DNAJC1: variants seen among roughly 807,000 people sequenced by gnomAD.
DNAJC1 encodes dnaJ homolog subfamily C member 1.
DNAJC1 carries 58 observed loss-of-function variants against 76.6 expected under a neutral mutation model. The ratio of observed to expected loss-of-function variants is 0.76; its 90% CI spans 0.61 to 0.94. The LOEUF is 0.94. Ranked by LOEUF, DNAJC1 falls within the 40% of genes least tolerant of loss-of-function variation. The pLI is 0.00. For synonymous variants in DNAJC1, 258 were observed against 267.9 expected (o/e 0.96, Z 0.36); for missense variants, 689 against 677.3 (o/e 1.02, Z -0.19).
chr10:21,964,596 A>G (rs983653249), intron 1 of DNAJC1, among the ~76,000 whole-genome samples: 10 of 151,982 alleles, frequency 6.6e-5, no homozygotes, highest in Middle Eastern at 3.4e-3. Flanking sequence ...TTATCTATAT[A>G]TTATTATATT....
chr10:21,761,931 T>G (rs1834245996), intron 10 of DNAJC1, among the ~76,000 whole-genome samples: 1 of 152,210 alleles, frequency 6.6e-6, no homozygotes, highest in Non-Finnish European at 1.5e-5. Flanking sequence ...TTTTTTGAGA[T>G]GGAGTCTCAC....
chr10:21,843,886 A>G (rs2131681652), intron 8 of DNAJC1, among the ~76,000 whole-genome samples: 1 of 152,254 alleles, frequency 6.6e-6, no homozygotes, highest in African/African-American at 2.4e-5. Flanking sequence ...GTCCTCACAC[A>G]AATCTCACCT....
intron 7 of DNAJC1, among the ~76,000 whole-genome samples, chr10:21,889,206 C>CGA (rs140775385): frequency 6.6e-6 from 1 of 151,850 alleles, no homozygotes. Context: ...GGGGCAGAAA[C>CGA]GAGAGAGAGA....
intron 6 of DNAJC1, among the ~76,000 whole-genome samples, chr10:21,913,670 A>C (rs1210642643): frequency 6.6e-6 from 1 of 152,200 alleles, no homozygotes. Context: ...CTGGGGTTAC[A>C]AGCCGAACAC....
At chr10:21,921,622 G>C (rs1283376408) in intron 3 of DNAJC1, among the ~76,000 whole-genome samples, 2 of 151,908 alleles carry the variant, frequency 1.3e-5, no homozygotes, top group East Asian at 1.9e-4. Context: ...CAATAAAACT[G>C]TTTATTTGTA....
chr10:21,768,750 T>G (rs191373447), intron 9 of DNAJC1, among the ~76,000 whole-genome samples: 1 of 152,240 alleles, frequency 6.6e-6, no homozygotes, highest in Non-Finnish European at 1.5e-5. Context: ...CCTTGACTTC[T>G]GAATTTCCCA....
At chr10:21,773,966 C>T (rs1834422750) in intron 9 of DNAJC1, among the ~76,000 whole-genome samples, 1 of 150,742 alleles carries the variant, frequency 6.6e-6, no homozygotes. Context: ...ACGGTGAAAC[C>T]CCGTCTCTAC....
chr10:21,829,516 A>T (rs792460), intron 8 of DNAJC1, among the ~76,000 whole-genome samples: 87,790 of 151,740 alleles, frequency 0.58, 27,649 homozygotes, highest in East Asian at 0.95. Context: ...GCGCCCAGCA[A>T]TTTTTTTGTA....
At chr10:21,813,552 C>A (rs544393197) in intron 8 of DNAJC1, among the ~76,000 whole-genome samples, 1 of 151,990 alleles carries the variant, frequency 6.6e-6, no homozygotes, top group Admixed American at 6.6e-5. Context: ...CCCACCATCA[C>A]GCCCAGCTAA....
At chr10:21,942,277 G>A (rs771640303) in intron 1 of DNAJC1, among the ~76,000 whole-genome samples, 2 of 152,098 alleles carry the variant, frequency 1.3e-5, no homozygotes, top group Non-Finnish European at 2.9e-5. Context: ...CTAATCCACT[G>A]AAAAGTTAAA....
chr10:21,959,887 A>C (rs1375461431), intron 1 of DNAJC1, among the ~76,000 whole-genome samples: 2 of 151,752 alleles, frequency 1.3e-5, no homozygotes, highest in African/African-American at 2.4e-5. Context: ...TCCATCTCCC[A>C]AAAATTTTGG....
chr10:21,791,079 A>G (rs998925520), intron 9 of DNAJC1, among the ~76,000 whole-genome samples: 1 of 152,220 alleles, frequency 6.6e-6, no homozygotes, highest in African/African-American at 2.4e-5. Context: ...AGACATAGCT[A>G]TATTTATATC....
intron 1 of DNAJC1, among the ~76,000 whole-genome samples, chr10:21,939,134 C>A (rs1456047102): frequency 6.6e-6 from 1 of 152,132 alleles, no homozygotes; most frequent in Non-Finnish European, 1.5e-5. Flanking sequence ...CGTGATTCAC[C>A]TACCTCAGCC....
chr10:21,766,270 A>G lies in DNAJC1; in HGVS notation c.1138T>C (p.Cys380Arg), dbSNP rs1834299146. Residue 380 changes from cysteine (C) to arginine (R), a missense_variant, in exon 10 of 12, where the codon TGC becomes CGC. Cys to Arg is a radical substitution (Grantham distance 180). Coordinates refer to ENST00000376980, the MANE Select transcript of DNAJC1 (RefSeq NM_022365.4). Reference protein sequence around the residue: ...KAKQLKDSVTCSPGMVRLSEL... With the variant: ...KAKQLKDSVTRSPGMVRLSEL... The stretch of plus-strand genomic sequence containing the variant: ...GGAAGTATGAACTCACCTGGGGAGC[A>G]GGTCACTGAATCCTTCAGTTGCTTG... 1.2e-6 allele frequency: 2 copies of G among 1,612,916 alleles called. No homozygotes were observed. Among genetic ancestry groups the G allele is most frequent in the South Asian group, 2.2e-5 (2 of 91,060 alleles).
At chr10:21,797,839 G>T (rs147609214) in intron 9 of DNAJC1, among the ~76,000 whole-genome samples, 1 of 152,104 alleles carries the variant, frequency 6.6e-6, no homozygotes, top group East Asian at 1.9e-4. Flanking sequence ...CTCCAGAATT[G>T]TAAGAAATAC....
chr10:21,833,134 TTGTC>T (rs1173520679), intron 8 of DNAJC1, among the ~76,000 whole-genome samples: 7 of 152,336 alleles, frequency 4.6e-5, no homozygotes, highest in African/African-American at 7.2e-5. Context: ...ATTTAGCTCT[TTGTC>T]TGACCTTTTC....
intron 1 of DNAJC1, among the ~76,000 whole-genome samples, chr10:21,991,431 A>G (rs1232608921): frequency 1.3e-5 from 2 of 152,220 alleles, no homozygotes; most frequent in Non-Finnish European, 2.9e-5. Flanking sequence ...GAACAGCATG[A>G]ACTTTATACC....
chr10:21,845,716 T>C (rs981516315), intron 8 of DNAJC1, among the ~76,000 whole-genome samples: 1 of 152,134 alleles, frequency 6.6e-6, no homozygotes, highest in African/African-American at 2.4e-5. Flanking sequence ...AATTATTTTT[T>C]TATTGTGAAA....
At chr10:21,986,171 G>T (rs1838244218) in intron 1 of DNAJC1, among the ~76,000 whole-genome samples, 1 of 152,152 alleles carries the variant, frequency 6.6e-6, no homozygotes, top group South Asian at 2.1e-4. Flanking sequence ...AGCTTGCAGT[G>T]AGCCACTGCA....
Sources: gnomAD v4.1 joint callset for allele counts (sites outside exome capture counted in the v4.1 genomes callset) on GRCh38, gnomAD v4.1.1 for gene constraint, MANE v1.5 for transcripts, NCBI Gene and HGNC (gene_info 2026-07-23, HGNC 2026-07-21) for gene names.